MTMR3: variants seen among roughly 807,000 people sequenced by gnomAD.
The protein encoded by MTMR3 is myotubularin related protein 3.
A neutral mutation model predicts 132.4 loss-of-function variants in MTMR3; 32 were observed. The observed-to-expected ratio is 0.24, with a 90% CI of 0.18 to 0.32. The LOEUF is 0.32. MTMR3 is among the 10% of genes least tolerant of loss of function. The pLI, the probability that MTMR3 is intolerant of heterozygous loss-of-function variation, is 1.00. For synonymous variants in MTMR3, 556 were observed against 550.3 expected, an observed-to-expected ratio of 1.01 and a Z score of -0.14; for missense variants, 1,216 against 1,489.6, an observed-to-expected ratio of 0.82 and a Z score of 3.02.
intron 8 of MTMR3, chr22:30,000,878 A>G (rs1340366127): frequency 2.0e-5 from 3 of 152,220 alleles, no homozygotes; most frequent in African/African-American, 7.2e-5. Flanking sequence ...TGAAGAGCTG[A>G]CTACTGGGAG....
At chr22:29,953,086 T>TTTTTACAC (rs2066115955) in intron 1 of MTMR3, among the ~76,000 whole-genome samples, 1 of 152,224 alleles carries the variant, frequency 6.6e-6, no homozygotes, top group African/African-American at 2.4e-5. Context: ...TAAAAAAATC[T>TTTTTACAC]ATTTTAACAG....
At chr22:29,976,178 G>A (rs1160953764) in intron 3 of MTMR3, among the ~76,000 whole-genome samples, 1 of 148,282 alleles carries the variant, frequency 6.7e-6, no homozygotes, top group Non-Finnish European at 1.5e-5. Flanking sequence ...GATAAAAGTT[G>A]TAAGTACTAG....
In MTMR3 at chr22:30,018,046, C is replaced by T; in HGVS notation, c.1794C>T (p.Thr598=). The T allele has an allele frequency of 6.2e-7, 1 of 1,611,712 alleles. No individual in the cohort carries two copies. The highest frequency in any genetic ancestry group is 1.1e-5 in the South Asian group (1 of 90,690). The change falls in exon 16 of 20, where the codon ACC becomes ACT. Residue 598 remains threonine, a synonymous_variant. Transcript: ENST00000401950. The part of the protein sequence containing the change: ...DSCAPYPAPG[T]SPDDPPLSRL... Reference sequence around the variant, plus strand: ...GTGCACCATACCCAGCCCCAGGCACCAGCCCTGATGATCCCCCCCTGAGCC... The same window carrying T: ...GTGCACCATACCCAGCCCCAGGCACTAGCCCTGATGATCCCCCCCTGAGCC...
chr22:29,957,233 A>C (rs960832767), intron 2 of MTMR3, 145 bp downstream of exon 2: 1 of 142,746 alleles, frequency 7.0e-6, no homozygotes, highest in Non-Finnish European at 1.5e-5. Flanking sequence ...GAGTTTTTCT[A>C]TGTTCACTTT....
At chr22:29,933,939 C>G (rs2065696390) in intron 1 of MTMR3, among the ~76,000 whole-genome samples, 1 of 152,006 alleles carries the variant, frequency 6.6e-6, no homozygotes, top group Admixed American at 6.6e-5. Context: ...GGTTGTCCAG[C>G]CATACATATT....
intron 1 of MTMR3, among the ~76,000 whole-genome samples, chr22:29,931,249 T>C (rs2065637820): frequency 6.6e-6 from 1 of 152,196 alleles, no homozygotes; most frequent in African/African-American, 2.4e-5. Context: ...GACAGTAGTT[T>C]AATCTACCCC....
Position 30,022,625 on chromosome 22 carries a change from C to G in MTMR3, c.3353C>G (p.Pro1118Arg), listed in dbSNP as rs747936139. The G allele has an allele frequency of 1.1e-5, 17 of 1,612,978 alleles. No individual in the cohort carries two copies. The highest frequency in any genetic ancestry group is 1.3e-5 in the Non-Finnish European group (15 of 1,180,024). The change falls in exon 19 of 20, where the codon CCT becomes CGT. Residue 1118 changes from proline (P) to arginine (R), a missense_variant. Transcript: ENST00000401950. ...GTTTTGCAGATGACCCGTTGGCTTCCTGACCACCTGGCCGCCCACTGCTAT... is the reference window on the plus strand; with the variant it reads ...GTTTTGCAGATGACCCGTTGGCTTCGTGACCACCTGGCCGCCCACTGCTAT... ...KQDTEMTRWL[P>R]DHLAAHCYAC...
Position 29,974,223 on chromosome 22 carries a change from A to T in MTMR3, c.3+3161A>T, listed in dbSNP as rs553051570. Among the ~76,000 whole-genome samples the T allele has an allele frequency of 4.5e-3, 680 of 152,302 alleles. 6 individuals carry two copies. The highest frequency in any genetic ancestry group is 0.015 in the African/African-American group (642 of 41,560). ...TTACCAGACCAGCGTTTCCCAATTT[A>T]TCTTCTTCCAACTTCTCACCTTATT... is the stretch of plus-strand genomic sequence containing the variant. On this transcript the variant is annotated intron_variant, in intron 3 of 19. Transcript: ENST00000401950.
At chr22:29,919,464 C>CG (rs1260969128) in intron 1 of MTMR3, among the ~76,000 whole-genome samples, 2 of 152,048 alleles carry the variant, frequency 1.3e-5, no homozygotes, top group Non-Finnish European at 2.9e-5. Flanking sequence ...TGATAAATAC[C>CG]AGATAAGATA....
intron 1 of MTMR3, among the ~76,000 whole-genome samples, chr22:29,954,059 C>CTTTTTTTTTTTTTTTTTTTTTTT (rs59781649): frequency 6.3e-5 from 5 of 79,426 alleles, no homozygotes; most frequent in African/African-American, 2.1e-4. Context: ...TCAAATGAGT[C>CTTTTTTTTTTTTTTTTTTTTTTT]TTTTTTTTTT....
chr22:29,896,476 G>A (rs1314969779), intron 1 of MTMR3, among the ~76,000 whole-genome samples: 3 of 152,004 alleles, frequency 2.0e-5, no homozygotes, highest in Admixed American at 2.0e-4. Flanking sequence ...ACTTCTGGCC[G>A]GCCACTACAC....
At chr22:29,894,538 TGTG>T (rs1459130452) in intron 1 of MTMR3, among the ~76,000 whole-genome samples, 1 of 136,192 alleles carries the variant, frequency 7.3e-6, no homozygotes. Context: ...GTGTGTGTGT[TGTG>T]GTATGTTTTA....
At chr22:29,993,958 G>GA (rs34048194) in intron 7 of MTMR3, 9 of 239,678 alleles carry the variant, frequency 3.8e-5, no homozygotes, top group Non-Finnish European at 4.7e-5. Flanking sequence ...CGATTTAGTT[G>GA]AAAAAAAGAA....
At position 30,019,573 on chromosome 22, in the gene MTMR3, C is replaced by T. The variant is rs145033252; in HGVS notation, c.1914C>T (p.Asn638=). 412 of 1,613,818 alleles carry T rather than the reference C, an allele frequency of 2.6e-4. 1 individual carries two copies. Among genetic ancestry groups the T allele is most frequent in the Non-Finnish European group, 3.1e-4 (369 of 1,180,054 alleles). The part of the protein sequence containing the change: ...ASRRCSDPSL[N]EKWQEHRRSL... Reference sequence around the variant, plus strand: ...GGCGCTGCAGCGACCCCAGCCTGAACGAGAAGTGGCAGGAGCACCGGCGCT... The same window carrying T: ...GGCGCTGCAGCGACCCCAGCCTGAATGAGAAGTGGCAGGAGCACCGGCGCT... The change falls in exon 17 of 20, where the codon AAC becomes AAT. Residue 638 remains asparagine, a synonymous_variant. Transcript: ENST00000401950.
intron 1 of MTMR3, among the ~76,000 whole-genome samples, chr22:29,893,946 A>C (rs1199537853): frequency 6.6e-6 from 1 of 152,116 alleles, no homozygotes; most frequent in Non-Finnish European, 1.5e-5. Context: ...CTTGGGTTCA[A>C]GCCATTCTCG....
intron 1 of MTMR3, among the ~76,000 whole-genome samples, chr22:29,896,079 G>T (rs1217955382): frequency 1.3e-5 from 2 of 152,188 alleles, no homozygotes; most frequent in African/African-American, 4.8e-5. Context: ...GGAGGCGGAG[G>T]TGGGCAGATC....
chr22:29,986,042 A>G (rs961807115), intron 5 of MTMR3: 3 of 152,232 alleles, frequency 2.0e-5, no homozygotes, highest in Non-Finnish European at 4.4e-5. Flanking sequence ...TCCATAAAGA[A>G]AGTCAGTTGC....
At chr22:30,022,821 TC>T in intron 19 of MTMR3, 124 bp downstream of exon 19, 1 of 837,182 alleles carries the variant, frequency 1.2e-6, no homozygotes, top group South Asian at 1.6e-5. Flanking sequence ...CATGGTCTCA[TC>T]TTCCTGTGCC....
intron 2 of MTMR3, among the ~76,000 whole-genome samples, chr22:29,959,159 T>G (rs927131005): frequency 6.6e-6 from 1 of 152,230 alleles, no homozygotes; most frequent in African/African-American, 2.4e-5. Context: ...GTTGGTTTGC[T>G]TCTGTAAAGA....
Sources: allele counts gnomAD v4.1 joint callset (sites outside exome capture counted in the v4.1 genomes callset), GRCh38; gene constraint gnomAD v4.1.1; transcripts MANE v1.5; gene names NCBI Gene and HGNC (gene_info 2026-07-23, HGNC 2026-07-21).